AGBL4: variants seen among roughly 807,000 people sequenced by gnomAD.
AGBL4 encodes the protein AGBL carboxypeptidase 4, also known as cytosolic carboxypeptidase 6.
In AGBL4, 58 loss-of-function variants were observed where a neutral mutation model predicts 66.4. That is an observed-to-expected ratio of 0.87 (90% confidence interval 0.71 to 1.09). AGBL4 has a LOEUF of 1.09. Among genes scored for constraint, AGBL4 ranks in the 50% least tolerant of loss-of-function variants. AGBL4 has a pLI of 0.00. For missense variants in AGBL4, 579 were observed against 631.0 expected, an observed-to-expected ratio of 0.92 and a Z score of 0.88; for synonymous variants, 234 against 222.9, an observed-to-expected ratio of 1.05 and a Z score of -0.44.
intron 1 of AGBL4, among the ~76,000 whole-genome samples, chr1:50,008,253 A>T (rs192241024): frequency 7.2e-5 from 11 of 152,364 alleles, no homozygotes; most frequent in African/African-American, 2.6e-4. Context: ...TCTCAAGGAT[A>T]GACCATATAT....
At chr1:48,572,402 C>T (rs189491958) in intron 11 of AGBL4, among the ~76,000 whole-genome samples, 9 of 150,646 alleles carry the variant, frequency 6.0e-5, no homozygotes, top group Admixed American at 4.0e-4. Flanking sequence ...AGAGAGGGAG[C>T]TAAGGCGGAA....
At chr1:48,961,908 C>T (rs1280023271) in intron 5 of AGBL4, among the ~76,000 whole-genome samples, 2 of 152,178 alleles carry the variant, frequency 1.3e-5, no homozygotes, top group African/African-American at 4.8e-5. Context: ...AAAGTACAGT[C>T]CTTTCAAAAC....
At chr1:49,568,997 G>C (rs985297986) in intron 3 of AGBL4, among the ~76,000 whole-genome samples, 1 of 152,176 alleles carries the variant, frequency 6.6e-6, no homozygotes, top group Non-Finnish European at 1.5e-5. Flanking sequence ...ATCAACACAT[G>C]AAAGAATTAA....
In AGBL4 at chr1:48,804,486, T is replaced by C. The variant is rs1261740209; in HGVS notation, c.634+62705A>G. On this transcript the variant is annotated intron_variant, in intron 6 of 13. Coordinates refer to ENST00000371839, the MANE Select transcript of AGBL4 (RefSeq NM_032785.4). Reference sequence around the variant, plus strand: ...TCAAGTTGGGATTTATACACAAGTCTCTCTGAGCCCAGAGCCTATGATCTC... The same window carrying C: ...TCAAGTTGGGATTTATACACAAGTCCCTCTGAGCCCAGAGCCTATGATCTC... Among the ~76,000 whole-genome samples, 5 of 152,168 alleles carry C rather than the reference T, an allele frequency of 3.3e-5. No homozygotes were observed. The East Asian group carries it at 7.7e-4, about 23-fold the overall frequency.
intron 2 of AGBL4, among the ~76,000 whole-genome samples, chr1:49,828,002 AT>A (rs1645555618): frequency 6.6e-6 from 1 of 152,216 alleles, no homozygotes. Context: ...CAAGCTTCTA[AT>A]TTTTAGACAA....
At chr1:48,618,549 G>C (rs1645357055) in intron 9 of AGBL4, among the ~76,000 whole-genome samples, 1 of 152,176 alleles carries the variant, frequency 6.6e-6, no homozygotes, top group Non-Finnish European at 1.5e-5. Context: ...CAGCTCTGAA[G>C]TTTTCTGGCT....
intron 3 of AGBL4, among the ~76,000 whole-genome samples, chr1:49,483,544 C>T (rs1647000217): frequency 6.6e-6 from 1 of 151,820 alleles, no homozygotes; most frequent in South Asian, 2.1e-4. Context: ...ACATGGATAT[C>T]CATATGGAAA....
chr1:49,869,511 A>G (rs1256056925), intron 1 of AGBL4, among the ~76,000 whole-genome samples: 2 of 152,148 alleles, frequency 1.3e-5, no homozygotes, highest in Non-Finnish European at 2.9e-5. Context: ...ACTAAATACC[A>G]CATGTTCTCA....
chr1:48,659,674 C>T (rs546907924), intron 7 of AGBL4, among the ~76,000 whole-genome samples: 1 of 152,308 alleles, frequency 6.6e-6, no homozygotes, highest in Admixed American at 6.5e-5. Context: ...GTGACCCTCT[C>T]AGGAAGGCGA....
At chr1:49,098,246 C>T (rs1645141625) in intron 4 of AGBL4, among the ~76,000 whole-genome samples, 1 of 152,224 alleles carries the variant, frequency 6.6e-6, no homozygotes, top group African/African-American at 2.4e-5. Context: ...TGTGCCTGGC[C>T]TGTAAAGAAA....
chr1:49,537,034 T>C (rs1175579361), intron 3 of AGBL4, among the ~76,000 whole-genome samples: 2 of 150,838 alleles, frequency 1.3e-5, no homozygotes, highest in South Asian at 4.2e-4. Flanking sequence ...GACAGAAACA[T>C]ATGCCAGGCA....
At chr1:49,815,299 T>C (rs1429673207) in intron 2 of AGBL4, among the ~76,000 whole-genome samples, 2 of 152,222 alleles carry the variant, frequency 1.3e-5, no homozygotes, top group African/African-American at 4.8e-5. Context: ...CTGGTTTATT[T>C]CACTTAACAC....
chr1:50,008,775 A>C (rs1661320231), intron 1 of AGBL4, among the ~76,000 whole-genome samples: 1 of 152,124 alleles, frequency 6.6e-6, no homozygotes, highest in Non-Finnish European at 1.5e-5. Context: ...TCAGAAGAAA[A>C]GACAAGTCTC....
At chr1:49,995,166 G>C (rs1378332531) in intron 1 of AGBL4, 3 of 456,258 alleles carry the variant, frequency 6.6e-6, no homozygotes, top group South Asian at 3.1e-5. Flanking sequence ...ACCCAGGAGA[G>C]AAGATACAGC....
chr1:48,693,382 G>A (rs1455316247), intron 6 of AGBL4, among the ~76,000 whole-genome samples: 1 of 152,210 alleles, frequency 6.6e-6, no homozygotes, highest in Non-Finnish European at 1.5e-5. Flanking sequence ...CACGGTGGTG[G>A]ATGAACAGAG....
At chr1:48,897,712 C>A (rs1376019833) in intron 5 of AGBL4, among the ~76,000 whole-genome samples, 1 of 150,944 alleles carries the variant, frequency 6.6e-6, no homozygotes, top group Non-Finnish European at 1.5e-5. Flanking sequence ...ATTTGCATTT[C>A]TCTAATGATT....
intron 4 of AGBL4, among the ~76,000 whole-genome samples, chr1:49,200,786 C>T (rs1647638077): frequency 6.6e-6 from 1 of 152,142 alleles, no homozygotes; most frequent in South Asian, 2.1e-4. Context: ...TGAACCCAGC[C>T]TTTTTGGATT....
chr1:49,224,130 A>C (rs1223548803), intron 4 of AGBL4, among the ~76,000 whole-genome samples: 1 of 152,238 alleles, frequency 6.6e-6, no homozygotes, highest in African/African-American at 2.4e-5. Flanking sequence ...CTAAAGAGAC[A>C]CAAATCTGTA....
At chr1:48,726,537 GTTA>G in intron 6 of AGBL4, among the ~76,000 whole-genome samples, 1 of 152,214 alleles carries the variant, frequency 6.6e-6, no homozygotes, top group Admixed American at 6.5e-5. Context: ...TTAACTATCT[GTTA>G]TTATTAATAT....
Sources: allele counts gnomAD v4.1 joint callset (sites outside exome capture counted in the v4.1 genomes callset), GRCh38; gene constraint gnomAD v4.1.1; transcripts MANE v1.5; gene names NCBI Gene and HGNC (gene_info 2026-07-23, HGNC 2026-07-21).